Variants in ARID1B observed in about 807,000 individuals in gnomAD.
ARID1B encodes the protein AT-rich interactive domain-containing protein 1B.
A neutral mutation model predicts 212.3 loss-of-function variants in ARID1B; 30 were observed. The ratio of observed to expected loss-of-function variants is 0.14; its 90% CI spans 0.11 to 0.19. ARID1B has a LOEUF of 0.19. ARID1B is among the 10% of genes least tolerant of loss of function. The pLI is 1.00. For missense variants in ARID1B, 2,891 were observed against 3,204.0 expected, an observed-to-expected ratio of 0.90 and a Z score of 2.36; for synonymous variants, 1,402 against 1,301.7, an observed-to-expected ratio of 1.08 and a Z score of -1.66.
intron 3 of ARID1B, among the ~76,000 whole-genome samples, chr6:156,921,438 AACACACACACACACACACACAC>A (rs10560265): frequency 7.0e-4 from 95 of 135,998 alleles, no homozygotes; most frequent in South Asian, 1.8e-3. Context: ...TTGATGGGAA[AACACACACACACACACACACAC>A]ACACACACAC....
intron 3 of ARID1B, among the ~76,000 whole-genome samples, chr6:156,915,716 T>G (rs1354035645): frequency 6.6e-6 from 1 of 152,064 alleles, no homozygotes; most frequent in East Asian, 1.9e-4. Flanking sequence ...GCCAACATGG[T>G]GAAACCCTGT....
chr6:157,095,640 T>C (rs1317820480), intron 5 of ARID1B, among the ~76,000 whole-genome samples: 1 of 152,196 alleles, frequency 6.6e-6, no homozygotes, highest in Non-Finnish European at 1.5e-5. Flanking sequence ...AAGGGCGGCA[T>C]AGTGCTGAGG....
intron 4 of ARID1B, among the ~76,000 whole-genome samples, chr6:157,066,289 A>G (rs901408307): frequency 6.6e-6 from 1 of 152,242 alleles, no homozygotes; most frequent in African/African-American, 2.4e-5. Context: ...CAGTTACTCA[A>G]GAGTTACCCT....
chr6:156,797,289 ATT>A (rs1780451673), intron 1 of ARID1B, among the ~76,000 whole-genome samples: 1 of 152,184 alleles, frequency 6.6e-6, no homozygotes, highest in African/African-American at 2.4e-5. Flanking sequence ...GCTGCCGTTT[ATT>A]GTAGGGATGA....
At chr6:156,993,144 C>A (rs957843764) in intron 4 of ARID1B, among the ~76,000 whole-genome samples, 1 of 151,164 alleles carries the variant, frequency 6.6e-6, no homozygotes, top group Non-Finnish European at 1.5e-5. Context: ...CCGGTTCAAG[C>A]GATTCTCCTG....
intron 2 of ARID1B, among the ~76,000 whole-genome samples, chr6:156,839,065 G>A (rs935001170): frequency 6.6e-6 from 1 of 152,052 alleles, no homozygotes; most frequent in East Asian, 1.9e-4. Context: ...TCCTACTTGT[G>A]GGTCCTGTGC....
chr6:157,178,078 G>A (rs1184764214), intron 11 of ARID1B, among the ~76,000 whole-genome samples: 3 of 152,184 alleles, frequency 2.0e-5, no homozygotes, highest in Non-Finnish European at 4.4e-5. Context: ...ACCATAAGCT[G>A]GGGTGGAGGC....
chr6:156,922,393 G>A (rs1790883997), intron 3 of ARID1B, among the ~76,000 whole-genome samples: 1 of 151,958 alleles, frequency 6.6e-6, no homozygotes, highest in Non-Finnish European at 1.5e-5. Context: ...GGCTGGTCTC[G>A]AACTCCTGAC....
intron 6 of ARID1B, among the ~76,000 whole-genome samples, chr6:157,132,345 A>G (rs534761651): frequency 6.6e-6 from 1 of 152,334 alleles, no homozygotes; most frequent in South Asian, 2.1e-4. Flanking sequence ...ACAGAGGTAG[A>G]TAAGTCTCAA....
At chr6:156,807,932 G>A (rs1781290742) in intron 1 of ARID1B, among the ~76,000 whole-genome samples, 1 of 152,150 alleles carries the variant, frequency 6.6e-6, no homozygotes, top group Non-Finnish European at 1.5e-5. Context: ...AGGGTCTTTG[G>A]GTCTGAGTCC....
chr6:156,966,919 C>G lies in ARID1B; in HGVS notation c.2247+31343C>G, dbSNP rs111635765. Among the ~76,000 whole-genome samples the G allele has an allele frequency of 6.2e-3, 925 of 148,552 alleles. 14 individuals are homozygous for G. Among genetic ancestry groups the G allele is most frequent in the African/African-American group, 0.022 (891 of 40,264 alleles). On this transcript the variant is annotated intron_variant, in intron 4 of 19. Coordinates refer to ENST00000636930, the MANE Select transcript of ARID1B (RefSeq NM_001374828.1). ...TTCTCCGTGTTGGTCAGGCTGGTCTCGAACTCCTGACCTCAGGTGATCCAC... is the reference window on the plus strand; with the variant it reads ...TTCTCCGTGTTGGTCAGGCTGGTCTGGAACTCCTGACCTCAGGTGATCCAC...
chr6:157,152,448 A>C (rs1394266547), intron 8 of ARID1B: 1 of 152,220 alleles, frequency 6.6e-6, no homozygotes, highest in African/African-American at 2.4e-5. Flanking sequence ...AAATCTTATA[A>C]AGCACACTTG....
chr6:156,980,349 G>A (rs1231791142), intron 4 of ARID1B, among the ~76,000 whole-genome samples: 2 of 152,072 alleles, frequency 1.3e-5, no homozygotes, highest in African/African-American at 4.8e-5. Flanking sequence ...CGGGCGTGGT[G>A]GTGGGCGCCT....
At chr6:157,061,576 A>G (rs1783345468) in intron 4 of ARID1B, among the ~76,000 whole-genome samples, 1 of 149,570 alleles carries the variant, frequency 6.7e-6, no homozygotes, top group Non-Finnish European at 1.5e-5. Context: ...CAGATTTAGA[A>G]AAAAAAAAAA....
intron 3 of ARID1B, among the ~76,000 whole-genome samples, chr6:156,912,492 T>C (rs1186728378): frequency 2.0e-5 from 3 of 152,160 alleles, no homozygotes; most frequent in Non-Finnish European, 4.4e-5. Context: ...CCCTGCTATT[T>C]ATTTGAGTTG....
intron 4 of ARID1B, among the ~76,000 whole-genome samples, chr6:157,000,332 T>G (rs1778836869): frequency 1.3e-5 from 2 of 152,252 alleles, no homozygotes; most frequent in African/African-American, 4.8e-5. Context: ...GGAAGTAGGC[T>G]GCTTTGCCTC....
intron 4 of ARID1B, among the ~76,000 whole-genome samples, chr6:157,083,263 C>T (rs1403824779): frequency 6.6e-6 from 1 of 152,204 alleles, no homozygotes; most frequent in Non-Finnish European, 1.5e-5. Flanking sequence ...TAAACAGTAG[C>T]ATAACCAGAT....
chr6:157,027,106 G>A (rs1235134982), intron 4 of ARID1B, among the ~76,000 whole-genome samples: 1 of 152,110 alleles, frequency 6.6e-6, no homozygotes, highest in Non-Finnish European at 1.5e-5. Flanking sequence ...GGACTTTTGA[G>A]AAATCTGAAA....
At chr6:156,841,596 C>G (rs1022521334) in intron 2 of ARID1B, among the ~76,000 whole-genome samples, 1 of 152,148 alleles carries the variant, frequency 6.6e-6, no homozygotes, top group African/African-American at 2.4e-5. Context: ...ATGCTAAGTA[C>G]TTTTACATGG....
Sources: gnomAD v4.1 joint callset for allele counts (sites outside exome capture counted in the v4.1 genomes callset) on GRCh38, gnomAD v4.1.1 for gene constraint, MANE v1.5 for transcripts, NCBI Gene and HGNC (gene_info 2026-07-23, HGNC 2026-07-21) for gene names.